The following LRP1B variants were observed in gnomAD, a reference collection of about 807,000 sequenced individuals.
LRP1B encodes LDL receptor related protein 1B.
LRP1B carries 217 observed loss-of-function variants against 556.6 expected under a neutral mutation model. The observed-to-expected ratio is 0.39, with a 90% CI of 0.35 to 0.44. The LOEUF (loss-of-function observed/expected upper bound fraction) is 0.44, where lower values mean the gene tolerates loss of function less well. Among genes scored for constraint, LRP1B ranks in the 20% least tolerant of loss-of-function variants. The pLI is 1.00. For synonymous variants in LRP1B, 2,047 were observed against 1,865.8 expected (o/e 1.10, Z -2.50); for missense variants, 5,053 against 5,620.8 (o/e 0.90, Z 3.23).
Position 140,510,047 on chromosome 2 carries a change from G to A in LRP1B, c.8279C>T (p.Thr2760Ile), listed in dbSNP as rs757756471. Residue 2760 changes from threonine (T) to isoleucine (I), a missense_variant, in exon 52 of 91, where the codon ACC (threonine) becomes ATC (isoleucine). By Grantham distance (89) the Thr-to-Ile change is moderately conservative (BLOSUM62 -1). Coordinates refer to ENST00000389484, the MANE Select transcript of LRP1B (RefSeq NM_018557.3). ...DESDSICGAI[T>I]CAADMFSCQG... The stretch of plus-strand genomic sequence containing the variant: ...GCAGCTGAACATGTCAGCAGCACAG[G>A]TTATGGCACCTGAAACACAAAAACA... 2 of 1,613,486 alleles carry A rather than the reference G, an allele frequency of 1.2e-6. No homozygotes were observed. Among genetic ancestry groups the A allele is most frequent in the African/African-American group, 2.7e-5 (2 of 74,994 alleles).
At chr2:141,500,713 T>C (rs1039227997) in intron 2 of LRP1B, among the ~76,000 whole-genome samples, 2 of 152,060 alleles carry the variant, frequency 1.3e-5, no homozygotes, top group African/African-American at 4.8e-5. Context: ...AAGAAAGCAG[T>C]TTTTTCATCC....
chr2:141,464,595 TATA>T (rs2105052039), intron 3 of LRP1B, among the ~76,000 whole-genome samples: 2 of 58,260 alleles, frequency 3.4e-5, no homozygotes, highest in African/African-American at 4.5e-5. Context: ...TATATATATA[TATA>T]TATATATATT....
intron 2 of LRP1B, among the ~76,000 whole-genome samples, chr2:141,705,431 A>T (rs777964114): frequency 2.0e-4 from 31 of 151,950 alleles, no homozygotes; most frequent in Admixed American, 5.9e-4. Flanking sequence ...CATGTCCCAG[A>T]ATCTCCTGAG....
intron 84 of LRP1B, among the ~76,000 whole-genome samples, chr2:140,283,461 A>G (rs1682999350): frequency 6.6e-6 from 1 of 151,818 alleles, no homozygotes; most frequent in Non-Finnish European, 1.5e-5. Flanking sequence ...TGCCTAAGGA[A>G]ATACCACTTT....
intron 21 of LRP1B, among the ~76,000 whole-genome samples, chr2:140,910,010 TC>T (rs1327504295): frequency 1.3e-5 from 2 of 150,134 alleles, no homozygotes; most frequent in African/African-American, 4.9e-5. Context: ...TCTTAAACAA[TC>T]CTTTCAAAAT....
In LRP1B at chr2:141,196,358, C is replaced by T. The variant is rs927706624; in HGVS notation, c.851-7775G>A. 9.9e-5 allele frequency among the ~76,000 whole-genome samples: 15 copies of T among 152,110 alleles called. 1 individual carries two copies. Among genetic ancestry groups the T allele is most frequent in the Admixed American group, 3.9e-4 (6 of 15,262 alleles). On this transcript the variant is annotated intron_variant, in intron 6 of 90. Transcript: ENST00000389484. Reference sequence around the variant, plus strand: ...AATTTAAAGCTTATATATAACTTAACGACTTTCTGCTATATAAGACTAGAA... The same window carrying T: ...AATTTAAAGCTTATATATAACTTAATGACTTTCTGCTATATAAGACTAGAA...
rs1184635814 is a variant in LRP1B, at chr2:140,706,187, G to A, written c.6024-3634C>T. ...TTTGTCCCTGGTTTTTGACCAGTAG[G>A]TTCAGACCCTACTGATATTAACATT... On this transcript the variant is annotated intron_variant, in intron 37 of 90. Coordinates refer to ENST00000389484, the MANE Select transcript of LRP1B (RefSeq NM_018557.3). Among the ~76,000 whole-genome samples the A allele has an allele frequency of 2.6e-5, 4 of 152,158 alleles. No homozygotes were observed. In the South Asian group the frequency reaches 8.3e-4, roughly 32 times the overall value.
At position 142,062,669 on chromosome 2, in the gene LRP1B, T is replaced by G. The variant is rs1046914916; in HGVS notation, c.82+67979A>C. ...TAAATTTGAAGCAAACTAAGGAACTTAATGAATAAAACAAGTTTCTTGATT... is the reference window on the plus strand; with the variant it reads ...TAAATTTGAAGCAAACTAAGGAACTGAATGAATAAAACAAGTTTCTTGATT... On this transcript the variant is annotated intron_variant, in intron 1 of 90. Coordinates refer to ENST00000389484, the MANE Select transcript of LRP1B (RefSeq NM_018557.3). Among the ~76,000 whole-genome samples, 3 of 151,796 alleles carry G rather than the reference T, an allele frequency of 2.0e-5. No homozygotes were observed. The Admixed American group carries it at 2.0e-4, about 10-fold the overall frequency.
intron 41 of LRP1B, among the ~76,000 whole-genome samples, chr2:140,615,768 C>CTTCT: frequency 6.6e-6 from 1 of 152,002 alleles, no homozygotes; most frequent in African/African-American, 2.4e-5. Context: ...AACATGCCTT[C>CTTCT]CTCACCTCTT....
At chr2:141,829,182 C>G (rs190252157) in intron 1 of LRP1B, among the ~76,000 whole-genome samples, 11 of 152,020 alleles carry the variant, frequency 7.2e-5, no homozygotes, top group South Asian at 2.1e-4. Flanking sequence ...TCTGAGTTAA[C>G]AAGACAGTTT....
At chr2:141,106,784 T>A (rs979276568) in intron 7 of LRP1B, among the ~76,000 whole-genome samples, 1 of 152,304 alleles carries the variant, frequency 6.6e-6, no homozygotes, top group Admixed American at 6.5e-5. Context: ...CTCTTTCCAA[T>A]AAAACTTTCT....
At position 141,058,517 on chromosome 2, in the gene LRP1B, G is replaced by A. The variant is rs147539877; in HGVS notation, c.1408+366C>T. Among the ~76,000 whole-genome samples the A allele has an allele frequency of 1.6e-4, 24 of 151,814 alleles. No individual in the cohort carries two copies. The East Asian group carries it at 4.3e-3, about 27-fold the overall frequency. ...AGCCCAATGACTATAATAAACACTGGACAGATACTTCAAGGCAGTCACCTG... is the reference window on the plus strand; with the variant it reads ...AGCCCAATGACTATAATAAACACTGAACAGATACTTCAAGGCAGTCACCTG... On this transcript the variant is annotated intron_variant, in intron 9 of 90. Transcript: ENST00000389484.
At chr2:141,145,221 ATAAT>A (rs1234293105) in intron 7 of LRP1B, among the ~76,000 whole-genome samples, 5 of 152,310 alleles carry the variant, frequency 3.3e-5, no homozygotes, top group African/African-American at 1.2e-4. Flanking sequence ...TATTAAAATT[ATAAT>A]TACTTATAAG....
Position 140,972,900 on chromosome 2 carries a change from A to T in LRP1B, c.2887+9260T>A, listed in dbSNP as rs533863165. ...ACTATTTGGTCATAAATGAAATAAA[A>T]ATATAGTATGCAAGAATAAATTTTT... On this transcript the variant is annotated intron_variant, in intron 18 of 90. Transcript: ENST00000389484. 8.7e-4 allele frequency among the ~76,000 whole-genome samples: 130 copies of T among 149,730 alleles called. 1 individual carries two copies. The highest frequency in any genetic ancestry group is 1.3e-3 in the Non-Finnish European group (90 of 67,372).
intron 25 of LRP1B, among the ~76,000 whole-genome samples, chr2:140,873,366 C>T (rs960510216): frequency 8.6e-5 from 13 of 151,992 alleles, no homozygotes; most frequent in East Asian, 1.9e-4. Context: ...TCTAATCTTG[C>T]GGCTTTAGGC....
intron 2 of LRP1B, among the ~76,000 whole-genome samples, chr2:141,503,989 C>T (rs1364059836): frequency 6.6e-6 from 1 of 152,114 alleles, no homozygotes; most frequent in Non-Finnish European, 1.5e-5. Context: ...ACAAGGCTAA[C>T]TCCGAAAGCT....
chr2:140,659,310 C>T (rs1685009838), intron 41 of LRP1B, among the ~76,000 whole-genome samples: 1 of 151,558 alleles, frequency 6.6e-6, no homozygotes, highest in South Asian at 2.1e-4. Context: ...GCAATTTAGA[C>T]ATATGGAATG....
At chr2:140,968,832 G>T (rs1238532937) in intron 18 of LRP1B, among the ~76,000 whole-genome samples, 3 of 152,196 alleles carry the variant, frequency 2.0e-5, no homozygotes, top group African/African-American at 7.2e-5. Context: ...CCATGTAGTT[G>T]AGCGGTTTTG....
At chr2:141,226,271 T>C (rs1002920011) in intron 6 of LRP1B, among the ~76,000 whole-genome samples, 1 of 152,190 alleles carries the variant, frequency 6.6e-6, no homozygotes, top group Non-Finnish European at 1.5e-5. Flanking sequence ...TGCATTCTTT[T>C]TAGCCATCCA....
Sources: gnomAD v4.1 joint callset for allele counts (sites outside exome capture counted in the v4.1 genomes callset) on GRCh38, gnomAD v4.1.1 for gene constraint, MANE v1.5 for transcripts, NCBI Gene and HGNC (gene_info 2026-07-23, HGNC 2026-07-21) for gene names.